DACH1: variants seen among roughly 807,000 people sequenced by gnomAD.
DACH1 encodes dachshund homolog 1.
Under a neutral mutation model 54.2 loss-of-function variants are expected in DACH1, and 12 were observed. The ratio of observed to expected loss-of-function variants is 0.22; its 90% CI spans 0.14 to 0.36. The LOEUF is 0.36. Ranked by LOEUF, DACH1 falls within the 10% of genes least tolerant of loss-of-function variation. The probability of loss-of-function intolerance (pLI) is 1.00; values close to 1 mark genes in which losing one functional copy is unlikely to be tolerated. For synonymous variants in DACH1, 386 were observed against 366.2 expected (o/e 1.05, Z -0.62); for missense variants, 805 against 929.8 (o/e 0.87, Z 1.75).
chr13:71,766,077 G>A (rs1287421278), intron 1 of DACH1, among the ~76,000 whole-genome samples: 3 of 152,090 alleles, frequency 2.0e-5, no homozygotes, highest in Admixed American at 6.5e-5. Context: ...TAGTAGAGAC[G>A]GGGTTTCACT....
intron 6 of DACH1, among the ~76,000 whole-genome samples, chr13:71,541,927 T>G (rs1296442369): frequency 1.0e-5 from 1 of 95,592 alleles, no homozygotes; most frequent in Non-Finnish European, 2.1e-5. Flanking sequence ...TTTGCCCAGT[T>G]TTTTTTTTTT....
chr13:71,467,186 T>G (rs1266064522), intron 10 of DACH1, among the ~76,000 whole-genome samples: 1 of 151,842 alleles, frequency 6.6e-6, no homozygotes, highest in Non-Finnish European at 1.5e-5. Flanking sequence ...ACAAGAGGCC[T>G]TCAGCATTTG....
At chr13:71,821,126 T>C (rs998581961) in intron 1 of DACH1, among the ~76,000 whole-genome samples, 2 of 152,198 alleles carry the variant, frequency 1.3e-5, no homozygotes, top group Non-Finnish European at 2.9e-5. Context: ...TCTGGAATGA[T>C]AGCCGCATTC....
Position 71,866,140 on chromosome 13 carries a change from G to C in DACH1, c.630C>G (p.Cys210Trp). The C allele has an allele frequency of 6.2e-7, 1 of 1,613,356 alleles. No homozygotes were observed. Among genetic ancestry groups the C allele is most frequent in the Non-Finnish European group, 8.5e-7 (1 of 1,179,694 alleles). ...GGAACAGGTCGAAAGCCTGGGGCAG[G>C]CAGATCAGCTCGCAGCCCTCCACCG... ...SFTVEGCELI[C>W]LPQAFDLFLK... Residue 210 changes from cysteine (C) to tryptophan (W), a missense_variant, in exon 1 of 11, where the codon TGC becomes TGG. Coordinates refer to ENST00000613252, the MANE Select transcript of DACH1 (RefSeq NM_080759.6).
At chr13:71,779,340 G>A (rs1302381535) in intron 1 of DACH1, among the ~76,000 whole-genome samples, 2 of 148,296 alleles carry the variant, frequency 1.3e-5, no homozygotes, top group South Asian at 2.1e-4. Context: ...AAAGGTAACA[G>A]AAAACGTTTT....
intron 1 of DACH1, among the ~76,000 whole-genome samples, chr13:71,719,667 T>C (rs1387736611): frequency 6.6e-6 from 1 of 152,064 alleles, no homozygotes; most frequent in Non-Finnish European, 1.5e-5. Context: ...GAGTTCAATC[T>C]CAGCCTCGGT....
chr13:71,838,599 T>C (rs1888888861), intron 1 of DACH1, among the ~76,000 whole-genome samples: 1 of 152,238 alleles, frequency 6.6e-6, no homozygotes, highest in African/African-American at 2.4e-5. Context: ...TGATTGTTTA[T>C]AAGCCATCTG....
At chr13:71,711,832 A>C (rs1882736250) in intron 1 of DACH1, among the ~76,000 whole-genome samples, 1 of 152,108 alleles carries the variant, frequency 6.6e-6, no homozygotes, top group Non-Finnish European at 1.5e-5. Flanking sequence ...TACTTGCTAC[A>C]TTGTCTGACT....
chr13:71,555,451 C>CTTCT (rs1226058683), intron 6 of DACH1, among the ~76,000 whole-genome samples: 1 of 151,782 alleles, frequency 6.6e-6, no homozygotes, highest in Non-Finnish European at 1.5e-5. Context: ...TCAAGCAATT[C>CTTCT]TTCTGCCTCA....
rs542792461 is a variant in DACH1, at chr13:71,710,610, G to C, written c.849-28700C>G. 4.1e-4 allele frequency among the ~76,000 whole-genome samples: 62 copies of C among 152,090 alleles called. 1 individual carries two copies. The East Asian group carries it at 8.7e-3, about 21-fold the overall frequency. ...GCCACACTAAGGAATTTAGATTTTT[G>C]AACTGCTTCTATTTGAAAGACACTG... On this transcript the variant is annotated intron_variant, in intron 1 of 10. Transcript: ENST00000613252.
At chr13:71,762,598 C>T (rs11620078) in intron 1 of DACH1, among the ~76,000 whole-genome samples, 8 of 151,666 alleles carry the variant, frequency 5.3e-5, no homozygotes, top group African/African-American at 1.9e-4. Context: ...GAAACCCCGT[C>T]TCTATTAAAA....
intron 1 of DACH1, among the ~76,000 whole-genome samples, chr13:71,722,368 A>G (rs1010709090): frequency 1.2e-4 from 18 of 152,158 alleles, no homozygotes; most frequent in African/African-American, 3.9e-4. Flanking sequence ...TCTAATGACT[A>G]CGAGGTGGAA....
rs140927762 is a variant in DACH1 at position 71,823,505 on chromosome 13, G to C, written c.848+42417C>G. Among the ~76,000 whole-genome samples, 21 of 152,020 alleles carry C rather than the reference G, an allele frequency of 1.4e-4. No homozygotes were observed. In the East Asian group the frequency reaches 2.3e-3, roughly 17 times the overall value. On this transcript the variant is annotated intron_variant, in intron 1 of 10. Coordinates refer to ENST00000613252, the MANE Select transcript of DACH1 (RefSeq NM_080759.6). ...AGAAATACATTTCCTTTTATTTCTGGTATTACAATCCAAATCATCATATAA... is the reference window on the plus strand; with the variant it reads ...AGAAATACATTTCCTTTTATTTCTGCTATTACAATCCAAATCATCATATAA...
At chr13:71,765,412 T>C (rs1373660787) in intron 1 of DACH1, among the ~76,000 whole-genome samples, 1 of 152,222 alleles carries the variant, frequency 6.6e-6, no homozygotes, top group Non-Finnish European at 1.5e-5. Context: ...GGGACTGTTA[T>C]AATAATCTTC....
chr13:71,656,921 C>CATAT (rs71123235), intron 2 of DACH1, among the ~76,000 whole-genome samples: 13,610 of 83,180 alleles, frequency 0.16, 1,328 homozygotes, highest in Non-Finnish European at 0.19. Flanking sequence ...GTTCTTCTTT[C>CATAT]ATATATATAT....
chr13:71,545,986 T>C (rs1324007124), intron 6 of DACH1, among the ~76,000 whole-genome samples: 1 of 152,058 alleles, frequency 6.6e-6, no homozygotes, highest in African/African-American at 2.4e-5. Flanking sequence ...TTCATAAATA[T>C]CCATCAATTT....
At chr13:71,508,957 T>TA (rs1460853287) in intron 6 of DACH1, among the ~76,000 whole-genome samples, 1 of 152,144 alleles carries the variant, frequency 6.6e-6, no homozygotes, top group Non-Finnish European at 1.5e-5. Context: ...TTGATGTATT[T>TA]AACTTTTCTT....
chr13:71,633,964 T>C lies in DACH1; in HGVS notation c.965-3247A>G, dbSNP rs544929675. On this transcript the variant is annotated intron_variant, in intron 2 of 10. Coordinates refer to ENST00000613252, the MANE Select transcript of DACH1 (RefSeq NM_080759.6). ...TCATGAAAGCGAAGATTTTTTCTTT[T>C]TTCTTCCTTTTTTTTTTTTTTCTTT... Among the ~76,000 whole-genome samples the C allele has an allele frequency of 2.4e-4, 35 of 143,436 alleles. No individual in the cohort carries two copies. In the South Asian group the frequency reaches 3.8e-3, roughly 16 times the overall value. 94.1% of individuals were successfully genotyped at this position (143,436 alleles called of 152,430 possible).
chr13:71,865,288 T>A (rs1338135797), intron 1 of DACH1, among the ~76,000 whole-genome samples: 1 of 152,134 alleles, frequency 6.6e-6, no homozygotes, highest in Non-Finnish European at 1.5e-5. Flanking sequence ...TCCCCCGGGA[T>A]GGACCCGGTC....
Sources: gnomAD v4.1 joint callset for allele counts (sites outside exome capture counted in the v4.1 genomes callset) on GRCh38, gnomAD v4.1.1 for gene constraint, MANE v1.5 for transcripts, NCBI Gene and HGNC (gene_info 2026-07-23, HGNC 2026-07-21) for gene names.